ST14: variants seen among roughly 807,000 people sequenced by gnomAD.
ST14 encodes the protein suppressor of tumorigenicity 14 protein.
A neutral mutation model predicts 96.5 loss-of-function variants in ST14; 40 were observed. The observed-to-expected ratio is 0.41, with a 90% confidence interval of 0.32 to 0.54. The LOEUF is 0.54. ST14 is among the 20% of genes least tolerant of loss of function. The probability of loss-of-function intolerance (pLI) is 0.17; values close to 1 mark genes in which losing one functional copy is unlikely to be tolerated. For missense variants in ST14, 1,066 were observed against 1,188.9 expected (o/e 0.90, Z 1.52); for synonymous variants, 506 against 492.1 (o/e 1.03, Z -0.37).
chr11:130,196,850 C>A, intron 11 of ST14, 150 bp downstream of exon 11: 1 of 1,166,962 alleles, frequency 8.6e-7, no homozygotes, highest in South Asian at 1.3e-5. Context: ...GGGAGGAAAA[C>A]ACGCTACCTT....
chr11:130,191,720 T>A (rs1480249272), intron 7 of ST14, among the ~76,000 whole-genome samples: 3 of 148,476 alleles, frequency 2.0e-5, no homozygotes, highest in Non-Finnish European at 1.5e-5. Flanking sequence ...AGAGCCTTTA[T>A]ATGGTTTACA....
At chr11:130,162,804 G>A (rs886454160) in intron 1 of ST14, among the ~76,000 whole-genome samples, 3 of 152,160 alleles carry the variant, frequency 2.0e-5, no homozygotes, top group Non-Finnish European at 2.9e-5. Flanking sequence ...TGAGCACATG[G>A]CATCTCTCTA....
Position 130,190,617 on chromosome 11 carries a change from G to C in ST14, c.798G>C (p.Ala266=). ...TCACCTTCCGCAGCTTTGACCTTGC[G>C]TCCTGCGACGAGCGCGGCAGCGACC... ...LSLTFRSFDL[A]SCDERGSDLV... The change falls in exon 7 of 19, where the codon GCG becomes GCC. Residue 266 remains alanine (A), a synonymous_variant. Transcript: ENST00000278742. 6.2e-7 allele frequency: 1 copy of C among 1,612,784 alleles called. No individual in the cohort carries two copies. The highest frequency in any genetic ancestry group is 8.5e-7 in the Non-Finnish European group (1 of 1,179,696).
At chr11:130,182,072 G>T (rs1327500178) in intron 1 of ST14, among the ~76,000 whole-genome samples, 3 of 152,198 alleles carry the variant, frequency 2.0e-5, no homozygotes, top group Non-Finnish European at 4.4e-5. Context: ...ACCACACTGG[G>T]AGGCAGTAAA....
chr11:130,170,603 G>A (rs894505524), intron 1 of ST14, among the ~76,000 whole-genome samples: 3 of 151,918 alleles, frequency 2.0e-5, no homozygotes, highest in Non-Finnish European at 4.4e-5. Context: ...AGGCAGGTTC[G>A]GTAGGCGGTA....
chr11:130,185,389 A>C (rs1293126734), intron 1 of ST14, among the ~76,000 whole-genome samples: 1 of 152,246 alleles, frequency 6.6e-6, no homozygotes, highest in Non-Finnish European at 1.5e-5. Flanking sequence ...TAATCTAAAA[A>C]ATAAGACAGG....
rs1953261229 is a variant in ST14 at position 130,188,507 on chromosome 11, G to A, written c.242-23G>A. 3.7e-6 allele frequency: 6 copies of A among 1,612,198 alleles called. No homozygotes were observed. The East Asian group carries it at 1.1e-4, about 30-fold the overall frequency. On this transcript the variant is annotated intron_variant, in intron 2 of 18. Coordinates refer to ENST00000278742, the MANE Select transcript of ST14 (RefSeq NM_021978.4). This position sits in a 1 kb window ranked among gnomAD's most constrained non-coding sequence, Gnocchi z 5.4. ...GGGGGTGGTACCACCTCCCCTGACTGAGCGCCTTCTGGTCTCACACAGACC... is the reference window on the plus strand; with the variant it reads ...GGGGGTGGTACCACCTCCCCTGACTAAGCGCCTTCTGGTCTCACACAGACC...
chr11:130,196,210 T>A, intron 9 of ST14, 129 bp from the exon 10 acceptor site: 1 of 744,162 alleles, frequency 1.3e-6, no homozygotes, highest in South Asian at 1.5e-5. Flanking sequence ...GGGAGAACTT[T>A]GCAACCTGTC....
intron 1 of ST14, among the ~76,000 whole-genome samples, chr11:130,173,763 G>A (rs931186887): frequency 6.6e-6 from 1 of 151,990 alleles, no homozygotes; most frequent in Non-Finnish European, 1.5e-5. Context: ...ACTCTGTCCC[G>A]ACCCATGGCT....
chr11:130,204,610 G>A (rs181772766), intron 16 of ST14, among the ~76,000 whole-genome samples: 148 of 152,248 alleles, frequency 9.7e-4, no homozygotes, highest in Non-Finnish European at 1.9e-3. Flanking sequence ...TCAGGAGTTC[G>A]AGACCAGCCT....
In ST14 at chr11:130,198,177, G is replaced by C. The variant is rs1953388166; in HGVS notation, c.1460-131G>C. 12 of 980,278 alleles carry C rather than the reference G, an allele frequency of 1.2e-5. No homozygotes were observed. In the South Asian group the frequency reaches 1.4e-4, roughly 12 times the overall value. The allele number at this position is 980,278 out of a possible 1,614,324, so 60.7% of individuals were successfully genotyped here. A position where few individuals can be genotyped will look rare whatever the true frequency, so the allele number is the denominator to read the frequency against. Reference sequence around the variant, plus strand: ...AGTGCTGAGGTCAGCTTGGTAGCTGGTGGAGCAGGGCCCCTTGGGCCTCTC... The same window carrying C: ...AGTGCTGAGGTCAGCTTGGTAGCTGCTGGAGCAGGGCCCCTTGGGCCTCTC... On this transcript the variant is annotated intron_variant, in intron 12 of 18. Transcript: ENST00000278742.
intron 1 of ST14, among the ~76,000 whole-genome samples, chr11:130,171,325 A>G (rs1331740684): frequency 6.6e-6 from 1 of 152,210 alleles, no homozygotes; most frequent in Non-Finnish European, 1.5e-5. Context: ...TGATAAGAAC[A>G]CTTAATACAA....
At chr11:130,199,725 G>A (rs1201476650) in intron 15 of ST14, among the ~76,000 whole-genome samples, 1 of 152,198 alleles carries the variant, frequency 6.6e-6, no homozygotes, top group Middle Eastern at 3.2e-3. Flanking sequence ...GGGAAGATGA[G>A]GGTTTGAATT....
In ST14 at chr11:130,196,555, C is replaced by T. The variant is rs1166546845; in HGVS notation, c.1224-15C>T. ...CAGCTGTCCCTCCTCACCTTGTGCC[C>T]CGCCCCCCCTCCAGATACTGCGGAG... is the stretch of plus-strand genomic sequence containing the variant. On this transcript the variant is annotated splice_polypyrimidine_tract_variant and intron_variant, in intron 10 of 18. Transcript: ENST00000278742. 5 of 1,492,344 alleles carry T rather than the reference C, an allele frequency of 3.4e-6. No individual in the cohort carries two copies. Among genetic ancestry groups the T allele is most frequent in the South Asian group, 1.2e-5 (1 of 86,630 alleles). 92.4% of individuals were successfully genotyped at this position (1,492,344 alleles called of 1,614,324 possible).
intron 15 of ST14, 145 bp from the exon 16 acceptor site, chr11:130,199,806 T>G (rs569550923): frequency 2.1e-6 from 2 of 932,210 alleles, no homozygotes; most frequent in African/African-American, 3.2e-5. Context: ...TGGGGGTCCC[T>G]CACGCCCTGG....
At chr11:130,203,491 G>A (rs1953453033) in intron 16 of ST14, among the ~76,000 whole-genome samples, 1 of 152,146 alleles carries the variant, frequency 6.6e-6, no homozygotes, top group South Asian at 2.1e-4. Context: ...CCAATCTCTT[G>A]CTTCAGCGCC....
At chr11:130,160,133 C>T in intron 1 of ST14, 73 bp downstream of exon 1, 5 of 1,084,392 alleles carry the variant, frequency 4.6e-6, no homozygotes, top group Non-Finnish European at 6.1e-6. Flanking sequence ...GCGCTGGGCT[C>T]GGCCGGCTCC....
At chr11:130,202,126 G>A (rs1484853685) in intron 16 of ST14, among the ~76,000 whole-genome samples, 1 of 152,224 alleles carries the variant, frequency 6.6e-6, no homozygotes, top group Non-Finnish European at 1.5e-5. Context: ...CAGTTAGCAG[G>A]TAGAGCTAGG....
intron 1 of ST14, among the ~76,000 whole-genome samples, chr11:130,170,088 T>C (rs1196315865): frequency 6.6e-6 from 1 of 152,108 alleles, no homozygotes; most frequent in Non-Finnish European, 1.5e-5. Context: ...AGAGGTTATG[T>C]CCTGGTGTGT....
Sources: gnomAD v4.1 joint callset for allele counts (sites outside exome capture counted in the v4.1 genomes callset) on GRCh38, gnomAD v4.1.1 for gene constraint, Gnocchi (gnomAD v3.1) non-coding constraint, MANE v1.5 for transcripts, NCBI Gene and HGNC (gene_info 2026-07-23, HGNC 2026-07-21) for gene names.